The following AKAP13 variants were observed in gnomAD, a reference collection of about 807,000 sequenced individuals.
AKAP13 encodes A-kinase anchor protein 13.
A neutral mutation model predicts 264.5 loss-of-function variants in AKAP13; 80 were observed. The observed-to-expected ratio is 0.30, with a 90% confidence interval of 0.25 to 0.36. The LOEUF (loss-of-function observed/expected upper bound fraction) is 0.36. AKAP13 is among the 10% of genes least tolerant of loss of function. The pLI is 1.00. For synonymous variants in AKAP13, 1,380 were observed against 1,250.2 expected (o/e 1.10, Z -2.19); for missense variants, 3,712 against 3,435.2 (o/e 1.08, Z -2.01).
intron 8 of AKAP13, among the ~76,000 whole-genome samples, chr15:85,632,959 T>C (rs983598881): frequency 1.3e-5 from 2 of 152,044 alleles, no homozygotes; most frequent in African/African-American, 2.4e-5. Context: ...TCTGACTCCA[T>C]GGTTCAAGCG....
chr15:85,579,072 A>T lies in AKAP13; in HGVS notation c.1004A>T (p.Glu335Val). The change falls in exon 7 of 37, where the codon GAG (glutamate) becomes GTG (valine). Residue 335 changes from glutamate (E) to valine (V), a missense_variant. Physicochemically the swap from Glu to Val is moderately radical, Grantham distance 121. Around this residue, in one of 3 missense-constraint regions of AKAP13, gnomAD observed 2,759 missense variants for 2,411.7 expected, o/e 1.14. Transcript: ENST00000394518. ...TDPQRLSSSEETESTQCCPGS... is the reference protein window; with the variant it reads ...TDPQRLSSSEVTESTQCCPGS... ...CCTCAGCGACTTTCTTCTTCTGAAG[A>T]GACTGAGAGCACTCAGTGCTGCCCA... 6.2e-7 allele frequency: 1 copy of T among 1,614,180 alleles called. No individual in the cohort carries two copies. The highest frequency in any genetic ancestry group is 8.5e-7 in the Non-Finnish European group (1 of 1,180,044).
chr15:85,531,553 G>A (rs1567109243), intron 3 of AKAP13, among the ~76,000 whole-genome samples: 1 of 152,198 alleles, frequency 6.6e-6, no homozygotes, highest in Non-Finnish European at 1.5e-5. Context: ...TGCTAACATT[G>A]ATGTCTGTGT....
intron 14 of AKAP13, among the ~76,000 whole-genome samples, chr15:85,672,180 C>T (rs1228083975): frequency 1.3e-5 from 2 of 152,192 alleles, no homozygotes; most frequent in East Asian, 3.9e-4. Context: ...TTATTCCTTT[C>T]ATCCAAATGT....
chr15:85,603,583 A>C (rs1418429189), intron 8 of AKAP13, among the ~76,000 whole-genome samples: 1 of 152,226 alleles, frequency 6.6e-6, no homozygotes, highest in African/African-American at 2.4e-5. Flanking sequence ...TGTGGCATAC[A>C]TGGACTTTAC....
rs367724744 is a variant in AKAP13, at chr15:85,580,181, G to A, written c.2113G>A (p.Asp705Asn). 1.3e-5 allele frequency: 21 copies of A among 1,614,044 alleles called. No homozygotes were observed. In the African/African-American group the frequency reaches 1.6e-4, roughly 12 times the overall value. ...GCAACCCAGCTCACAAGATCCACCC[G>A]ATGCCTCCCACTGTGAAGACCCACA... ...ARQPSSQDPP[D>N]ASHCEDPQAH... The change falls in exon 7 of 37, where the codon GAT becomes AAT. Residue 705 changes from aspartate (D) to asparagine (N), a missense_variant. By Grantham distance (23) the Asp-to-Asn change is conservative. This residue lies in a region of AKAP13 where 2,759 missense variants were observed against 2,411.7 expected (regional missense o/e 1.14). Coordinates refer to ENST00000394518, the MANE Select transcript of AKAP13 (RefSeq NM_007200.5).
rs1331959113 is a variant in AKAP13, at chr15:85,580,744, T to C, written c.2676T>C (p.Ser892=). 1 of 1,614,146 alleles carries C rather than the reference T, an allele frequency of 6.2e-7. No individual in the cohort carries two copies. Among genetic ancestry groups the C allele is most frequent in the Admixed American group, 1.7e-5 (1 of 60,024 alleles). The stretch of plus-strand genomic sequence containing the variant: ...TGAATATCAAGGGGAACACTGACTC[T>C]TCCCTGCAAAGTGTGGGTAAGGCCA... ...EALNIKGNTD[S]SLQSVGKATL... The change falls in exon 7 of 37, where the codon TCT becomes TCC. Residue 892 remains serine (S), a synonymous_variant. Coordinates refer to ENST00000394518, the MANE Select transcript of AKAP13 (RefSeq NM_007200.5).
chr15:85,410,344 T>A (rs761100304), intron 1 of AKAP13, among the ~76,000 whole-genome samples: 2 of 151,604 alleles, frequency 1.3e-5, no homozygotes, highest in Non-Finnish European at 2.9e-5. Context: ...TTGTCGACTT[T>A]CACCTGGGTC....
chr15:85,655,272 C>A (rs563366996), intron 10 of AKAP13, 145 bp from the exon 11 acceptor site: 2 of 903,082 alleles, frequency 2.2e-6, no homozygotes, highest in Admixed American at 2.9e-5. Flanking sequence ...TTGTGATCAT[C>A]CTATTAAAAA....
Position 85,613,709 on chromosome 15 carries a change from TATATTA to T in AKAP13, c.4162-25664_4162-25659del, listed in dbSNP as rs1247727014. Reference sequence around the variant, plus strand: ...AAAAAAAAATATATATATATATATATATATTAGGAGTGCTGATTGATGGACAGATGT... The same window carrying T: ...AAAAAAAAATATATATATATATATATGGAGTGCTGATTGATGGACAGATGT... On this transcript the variant is annotated intron_variant, in intron 8 of 36. Transcript: ENST00000394518. Among the ~76,000 whole-genome samples the T allele has an allele frequency of 9.6e-5, 12 of 125,536 alleles. 3 individuals are homozygous for T. The highest frequency in any genetic ancestry group is 1.8e-4 in the African/African-American group (6 of 34,068). The allele number at this position is 125,536 out of a possible 152,430, so 82.4% of individuals were successfully genotyped here. A position where few individuals can be genotyped will look rare whatever the true frequency, so the allele number is the denominator to read the frequency against.
At chr15:85,589,306 T>A (rs546855991) in intron 8 of AKAP13, among the ~76,000 whole-genome samples, 1 of 152,310 alleles carries the variant, frequency 6.6e-6, no homozygotes, top group East Asian at 1.9e-4. Context: ...TAAGCTTTGC[T>A]GTGAGTATGA....
In AKAP13 at chr15:85,748,197, G is replaced by C. The variant is rs555745218; in HGVS notation, c.*3520G>C. On this transcript the variant is annotated 3_prime_UTR_variant, in exon 37 of 37. Transcript: ENST00000394518. Reference sequence around the variant, plus strand: ...TTACTCTAATGATGGTGGCCCAGCTGTGCCCAGAGGACAGCCAGGCAGGCC... The same window carrying C: ...TTACTCTAATGATGGTGGCCCAGCTCTGCCCAGAGGACAGCCAGGCAGGCC... The C allele has an allele frequency of 1.3e-5, 2 of 150,246 alleles. No individual in the cohort carries two copies. The highest frequency in any genetic ancestry group is 2.1e-4 in the South Asian group (1 of 4,744). 9.3% of individuals were successfully genotyped at this position (150,246 alleles called of 1,614,324 possible).
chr15:85,585,739 T>G lies in AKAP13; in HGVS notation c.4077T>G (p.Phe1359Leu). The change falls in exon 8 of 37, where the codon TTT becomes TTG. Residue 1359 changes from phenylalanine to leucine, a missense_variant. Around this residue, in one of 3 missense-constraint regions of AKAP13, gnomAD observed 2,759 missense variants for 2,411.7 expected, o/e 1.14. Coordinates refer to ENST00000394518, the MANE Select transcript of AKAP13 (RefSeq NM_007200.5). Reference protein sequence around the residue: ...PDVKAEDEVDFRASSISEEVA... With the variant: ...PDVKAEDEVDLRASSISEEVA... ...TGAAAGCTGAAGATGAAGTGGATTTTAGAGCAAGTTCAATTTCTGAAGAAG... is the reference window on the plus strand; with the variant it reads ...TGAAAGCTGAAGATGAAGTGGATTTGAGAGCAAGTTCAATTTCTGAAGAAG... 6.2e-7 allele frequency: 1 copy of G among 1,614,176 alleles called. No individual in the cohort carries two copies. Among genetic ancestry groups the G allele is most frequent in the Non-Finnish European group, 8.5e-7 (1 of 1,180,010 alleles).
intron 8 of AKAP13, among the ~76,000 whole-genome samples, chr15:85,590,074 A>G (rs1425249037): frequency 1.3e-5 from 2 of 152,122 alleles, no homozygotes; most frequent in Admixed American, 1.3e-4. Context: ...TTTGTGTAAT[A>G]TTTAACCTGA....
At chr15:85,743,423 G>T (rs2089205229) in intron 35 of AKAP13, 69 bp from the exon 36 acceptor site, 3 of 1,525,786 alleles carry the variant, frequency 2.0e-6, no homozygotes, top group Non-Finnish European at 2.7e-6. Context: ...ATTCAGCCAG[G>T]ATTTATTGAG....
At chr15:85,562,274 A>G (rs1357928123) in intron 5 of AKAP13, among the ~76,000 whole-genome samples, 2 of 152,156 alleles carry the variant, frequency 1.3e-5, no homozygotes, top group Non-Finnish European at 1.5e-5. Context: ...TATTAAGAAT[A>G]TATATCTCGG....
chr15:85,394,790 T>G (rs1467686425), intron 1 of AKAP13, among the ~76,000 whole-genome samples: 1 of 152,190 alleles, frequency 6.6e-6, no homozygotes, highest in Non-Finnish European at 1.5e-5. Context: ...TGAAATGGTA[T>G]TTGCTGACTC....
chr15:85,646,471 T>C (rs1317507502), intron 10 of AKAP13, among the ~76,000 whole-genome samples: 1 of 152,188 alleles, frequency 6.6e-6, no homozygotes, highest in Non-Finnish European at 1.5e-5. Context: ...GCCAAAGTTA[T>C]TTAATGTGAA....
intron 17 of AKAP13, among the ~76,000 whole-genome samples, chr15:85,703,853 A>AAAAAT (rs1555461458): frequency 4.8e-4 from 69 of 142,536 alleles, no homozygotes; most frequent in Non-Finnish European, 8.2e-4. Flanking sequence ...AAAAAAAAAA[A>AAAAAT]ATATATATAT....
rs1232622288 is a variant in AKAP13 at position 85,748,036 on chromosome 15, A to G, written c.*3359A>G. The G allele has an allele frequency of 6.6e-6, 1 of 152,336 alleles. No homozygotes were observed. Among genetic ancestry groups the G allele is most frequent in the East Asian group, 1.9e-4 (1 of 5,202 alleles). The allele number at this position is 152,336 out of a possible 1,614,324, so 9.4% of individuals were successfully genotyped here. A position where few individuals can be genotyped will look rare whatever the true frequency, so the allele number is the denominator to read the frequency against. ...CTGCCTTAGTAGAGGGTGGGACTAT[A>G]ACCTTAGAGGCCAGAACTTGATCCA... On this transcript the variant is annotated 3_prime_UTR_variant, in exon 37 of 37. Transcript: ENST00000394518.
Sources: allele counts gnomAD v4.1 joint callset (sites outside exome capture counted in the v4.1 genomes callset), GRCh38; gene constraint gnomAD v4.1.1; regional missense constraint gnomAD v4.1.1; transcripts MANE v1.5; gene names NCBI Gene and HGNC (gene_info 2026-07-23, HGNC 2026-07-21).